Variants in PTPRD observed in about 807,000 individuals in gnomAD.
PTPRD encodes receptor-type tyrosine-protein phosphatase delta.
A neutral mutation model predicts 214.5 loss-of-function variants in PTPRD; 34 were observed. That is an observed-to-expected ratio of 0.16 (90% CI 0.12 to 0.21). The LOEUF (loss-of-function observed/expected upper bound fraction) is 0.21, where lower values mean the gene tolerates loss of function less well. Ranked by LOEUF, PTPRD falls within the 10% of genes least tolerant of loss-of-function variation. The probability of loss-of-function intolerance (pLI) is 1.00; values close to 1 mark genes in which losing one functional copy is unlikely to be tolerated. For missense variants in PTPRD, 2,545 were observed against 2,398.7 expected (o/e 1.06, Z -1.27); for synonymous variants, 1,128 against 845.7 (o/e 1.33, Z -5.79).
chr9:9,072,409 A>G (rs774348531), intron 10 of PTPRD, among the ~76,000 whole-genome samples: 6 of 152,032 alleles, frequency 3.9e-5, no homozygotes, highest in Non-Finnish European at 7.4e-5. Flanking sequence ...GTCATTTGGA[A>G]GCCAATGTTG....
chr9:8,927,717 A>G (rs575163002), intron 11 of PTPRD, among the ~76,000 whole-genome samples: 37 of 152,310 alleles, frequency 2.4e-4, no homozygotes, highest in Admixed American at 9.2e-4. Flanking sequence ...CTTTGGGTAT[A>G]TACCCAGAAA....
intron 8 of PTPRD, among the ~76,000 whole-genome samples, chr9:9,461,940 T>C (rs1411911647): frequency 1.3e-5 from 2 of 152,194 alleles, no homozygotes; most frequent in Non-Finnish European, 2.9e-5. Context: ...TTGGGACTTC[T>C]ACCTTATTCC....
chr9:9,338,214 A>C (rs2045359664), intron 9 of PTPRD, among the ~76,000 whole-genome samples: 1 of 152,186 alleles, frequency 6.6e-6, no homozygotes, highest in East Asian at 1.9e-4. Flanking sequence ...CTTATGTTCA[A>C]ATTCTTGCTG....
chr9:9,478,918 T>G (rs1306151415), intron 8 of PTPRD, among the ~76,000 whole-genome samples: 1 of 152,122 alleles, frequency 6.6e-6, no homozygotes, highest in Non-Finnish European at 1.5e-5. Context: ...CCGGGAGAAA[T>G]TTTTTGGCAA....
Position 8,518,644 on chromosome 9 carries a change from C to T in PTPRD, c.962-215G>A, listed in dbSNP as rs531411940. Reference sequence around the variant, plus strand: ...CTGCTTTCCTAGAAGGGCTTGATAGCATATTTTTAGGCTTGTATCCAAATC... The same window carrying T: ...CTGCTTTCCTAGAAGGGCTTGATAGTATATTTTTAGGCTTGTATCCAAATC... On this transcript the variant is annotated intron_variant, in intron 20 of 45. Coordinates refer to ENST00000381196, the MANE Select transcript of PTPRD (RefSeq NM_002839.4). 1.4e-4 allele frequency among the ~76,000 whole-genome samples: 22 copies of T among 152,294 alleles called. 1 individual carries two copies. The highest frequency in any genetic ancestry group is 1.4e-3 in the Admixed American group (22 of 15,284).
At chr9:9,787,348 T>C (rs2154493636) in intron 5 of PTPRD, among the ~76,000 whole-genome samples, 1 of 151,418 alleles carries the variant, frequency 6.6e-6, no homozygotes, top group East Asian at 1.9e-4. Context: ...CCAATTGGTT[T>C]ATGATATATG....
chr9:9,834,154 T>C (rs886845934), intron 5 of PTPRD, among the ~76,000 whole-genome samples: 1 of 152,068 alleles, frequency 6.6e-6, no homozygotes, highest in African/African-American at 2.4e-5. Context: ...AACTAATATA[T>C]GTCCATAAAA....
chr9:10,102,941 T>G (rs572726980), intron 3 of PTPRD, among the ~76,000 whole-genome samples: 2 of 151,898 alleles, frequency 1.3e-5, no homozygotes, highest in East Asian at 3.9e-4. Context: ...TACATTCATT[T>G]CTTCATTCAT....
intron 4 of PTPRD, among the ~76,000 whole-genome samples, chr9:9,963,647 T>A (rs1160889167): frequency 1.3e-5 from 2 of 152,150 alleles, no homozygotes; most frequent in Non-Finnish European, 2.9e-5. Context: ...TAGAGACAGT[T>A]GATGTTTAAT....
chr9:8,318,054 T>A lies in PTPRD; in HGVS notation c.5671-112A>T, dbSNP rs1181709672. ...AAATAACATCTATATAGGGGCAAAA[T>A]CACTACTTTCGTCAACTGGTCTAAT... On this transcript the variant is annotated intron_variant, in intron 45 of 45. Coordinates refer to ENST00000381196, the MANE Select transcript of PTPRD (RefSeq NM_002839.4). 9 of 991,484 alleles carry A rather than the reference T, an allele frequency of 9.1e-6. No homozygotes were observed. The Admixed American group carries it at 1.8e-4, about 20-fold the overall frequency. The allele number at this position is 991,484 out of a possible 1,614,324, so 61.4% of individuals were successfully genotyped here.
At chr9:10,112,645 G>T (rs898135981) in intron 3 of PTPRD, among the ~76,000 whole-genome samples, 1 of 152,134 alleles carries the variant, frequency 6.6e-6, no homozygotes, top group African/African-American at 2.4e-5. Context: ...AAGTTAATTT[G>T]TTGGACCCAG....
chr9:9,593,220 C>A (rs1207976566), intron 7 of PTPRD, among the ~76,000 whole-genome samples: 1 of 150,504 alleles, frequency 6.6e-6, no homozygotes, highest in Admixed American at 6.6e-5. Flanking sequence ...TTTGTTTTTC[C>A]CCCCCCTCAA....
chr9:9,647,372 T>A (rs1248085965), intron 7 of PTPRD, among the ~76,000 whole-genome samples: 1 of 136,486 alleles, frequency 7.3e-6, no homozygotes, highest in East Asian at 2.1e-4. Flanking sequence ...CCCAGGATAA[T>A]TTGTTTTTTT....
chr9:8,967,708 G>A (rs1240539719), intron 11 of PTPRD, among the ~76,000 whole-genome samples: 1 of 152,126 alleles, frequency 6.6e-6, no homozygotes, highest in East Asian at 1.9e-4. Context: ...ATATACGTAT[G>A]TTATTTATCA....
At chr9:8,352,083 ATTT>A (rs5896240) in intron 39 of PTPRD, among the ~76,000 whole-genome samples, 1 of 147,334 alleles carries the variant, frequency 6.8e-6, no homozygotes. Context: ...GCCTAATCTG[ATTT>A]TTTTTTTTTC....
At chr9:10,550,948 T>C (rs2061213645) in intron 2 of PTPRD, among the ~76,000 whole-genome samples, 1 of 152,224 alleles carries the variant, frequency 6.6e-6, no homozygotes, top group Non-Finnish European at 1.5e-5. Context: ...CCTATGGCTG[T>C]ACACTGTACA....
intron 5 of PTPRD, among the ~76,000 whole-genome samples, chr9:9,833,685 G>T (rs928851412): frequency 6.8e-6 from 1 of 146,236 alleles, no homozygotes; most frequent in Non-Finnish European, 1.5e-5. Flanking sequence ...CTCCGGAGAG[G>T]GGGGCAGTTC....
At chr9:9,402,609 A>C (rs1294832748) in intron 8 of PTPRD, among the ~76,000 whole-genome samples, 6 of 152,112 alleles carry the variant, frequency 3.9e-5, no homozygotes, top group African/African-American at 1.2e-4. Flanking sequence ...AGTCAGTACA[A>C]GGATCAAGAT....
At chr9:9,317,828 G>C (rs555611753) in intron 9 of PTPRD, among the ~76,000 whole-genome samples, 1 of 152,142 alleles carries the variant, frequency 6.6e-6, no homozygotes, top group East Asian at 1.9e-4. Flanking sequence ...GATAGATTAT[G>C]TGCATTTTCA....
Sources: gnomAD v4.1 joint callset for allele counts (sites outside exome capture counted in the v4.1 genomes callset) on GRCh38, gnomAD v4.1.1 for gene constraint, MANE v1.5 for transcripts, NCBI Gene and HGNC (gene_info 2026-07-23, HGNC 2026-07-21) for gene names.